ENPP7: variants seen among roughly 807,000 people sequenced by gnomAD.
ENPP7 encodes ectonucleotide pyrophosphatase/phosphodiesterase 7.
ENPP7 carries 39 observed loss-of-function variants against 33.6 expected under a neutral mutation model. That is an observed-to-expected ratio of 1.16 (90% confidence interval 0.90 to 1.52). The LOEUF is 1.52. Ranked by LOEUF, ENPP7 falls within the 40% of genes most tolerant of loss-of-function variation. The pLI is 0.00. For missense variants in ENPP7, 594 were observed against 641.0 expected, an observed-to-expected ratio of 0.93 and a Z score of 0.79; for synonymous variants, 244 against 274.3, an observed-to-expected ratio of 0.89 and a Z score of 1.09.
At chr17:79,733,485 C>G (rs782738635) in intron 1 of ENPP7, 23 bp from the exon 2 acceptor site, 1 of 1,610,600 alleles carries the variant, frequency 6.2e-7, no homozygotes, top group Admixed American at 1.7e-5. Flanking sequence ...TCCCGCCGCC[C>G]TCTGCACCTC....
At chr17:79,734,117 TG>T (rs1228409435) in intron 2 of ENPP7, among the ~76,000 whole-genome samples, 2 of 151,962 alleles carry the variant, frequency 1.3e-5, no homozygotes, top group Non-Finnish European at 2.9e-5. Flanking sequence ...AAATGAGAGG[TG>T]GGTTACAGTA....
Position 79,738,702 on chromosome 17 carries a change from C to G in ENPP7, c.*16+640C>G, listed in dbSNP as rs999199355. 7.6e-5 allele frequency: 11 copies of G among 145,500 alleles called. No individual in the cohort carries two copies. Among genetic ancestry groups the G allele is most frequent in the African/African-American group, 2.8e-4 (11 of 38,796 alleles). 9.0% of individuals were successfully genotyped at this position (145,500 alleles called of 1,614,324 possible). A position where few individuals can be genotyped will look rare whatever the true frequency, so the allele number is the denominator to read the frequency against. ...GCGTTCCTGGAACTCTCTGGAAGCCCACCTCCAAGGACACGCATGGGGTGC... is the reference window on the plus strand; with the variant it reads ...GCGTTCCTGGAACTCTCTGGAAGCCGACCTCCAAGGACACGCATGGGGTGC... On this transcript the variant is annotated intron_variant, in intron 5 of 5. Coordinates refer to ENST00000328313, the MANE Select transcript of ENPP7 (RefSeq NM_178543.5). This position sits in a 1 kb window ranked among gnomAD's most constrained non-coding sequence, Gnocchi z 6.2.
Position 79,735,598 on chromosome 17 carries a change from T to C in ENPP7, c.955T>C (p.Phe319Leu), listed in dbSNP as rs782505562. 8.5e-5 allele frequency: 137 copies of C among 1,613,732 alleles called. 1 individual carries two copies. Among genetic ancestry groups the C allele is most frequent in the Admixed American group, 2.8e-4 (17 of 60,000 alleles). ...VYKKEAFPEAFHYANNPRVTP... is the reference protein window; with the variant it reads ...VYKKEAFPEALHYANNPRVTP... Reference sequence around the variant, plus strand: ...CAAGAAGGAGGCGTTCCCCGAGGCCTTCCACTACGCCAACAACCCCAGGGT... The same window carrying C: ...CAAGAAGGAGGCGTTCCCCGAGGCCCTCCACTACGCCAACAACCCCAGGGT... Residue 319 changes from phenylalanine to leucine, a missense_variant, in exon 3 of 6, where the codon TTC becomes CTC. Phe to Leu is a conservative substitution (Grantham distance 22). Coordinates refer to ENST00000328313, the MANE Select transcript of ENPP7 (RefSeq NM_178543.5). This position sits in a 1 kb window ranked among gnomAD's most constrained non-coding sequence, Gnocchi z 5.5.
In ENPP7 at chr17:79,737,107, A is replaced by T. The variant is rs782128722; in HGVS notation, c.1093A>T (p.Ile365Phe). The stretch of plus-strand genomic sequence containing the variant: ...CAACAAGGACATGGACATGAAGACC[A>T]TCTTCCGCGCTGTGGGCCCTAGCTT... ...FDNKDMDMKT[I>F]FRAVGPSFRA... Residue 365 changes from isoleucine (I) to phenylalanine (F), a missense_variant, in exon 4 of 6, where the codon ATC becomes TTC. Ile to Phe is a conservative substitution (Grantham distance 21). Around this residue, in one of 3 missense-constraint regions of ENPP7, gnomAD observed 504 missense variants for 512.8 expected, o/e 0.98. Coordinates refer to ENST00000328313, the MANE Select transcript of ENPP7 (RefSeq NM_178543.5). This position sits in a 1 kb window ranked among gnomAD's most constrained non-coding sequence, Gnocchi z 5.5. 1.2e-6 allele frequency: 2 copies of T among 1,614,170 alleles called. No individual in the cohort carries two copies. The highest frequency in any genetic ancestry group is 1.7e-6 in the Non-Finnish European group (2 of 1,180,034).
At position 79,737,584 on chromosome 17, in the gene ENPP7, AC is replaced by A. The variant is rs1304310796; in HGVS notation, c.1246+326del. Among the ~76,000 whole-genome samples, 4 of 152,062 alleles carry A rather than the reference AC, an allele frequency of 2.6e-5. No homozygotes were observed. Among genetic ancestry groups the A allele is most frequent in the Admixed American group, 2.6e-4 (4 of 15,280 alleles). On this transcript the variant is annotated intron_variant, in intron 4 of 5. Transcript: ENST00000328313. This position sits in a 1 kb window ranked among gnomAD's most constrained non-coding sequence, Gnocchi z 5.5. ...GCTGGATCCCCACTCCCCACTCCCCACCACAGCAACCTGAGGGCCTCCTTTC... is the reference window on the plus strand; with the variant it reads ...GCTGGATCCCCACTCCCCACTCCCCACACAGCAACCTGAGGGCCTCCTTTC...
At chr17:79,734,391 GC>G (rs1316318264) in intron 2 of ENPP7, among the ~76,000 whole-genome samples, 1 of 152,140 alleles carries the variant, frequency 6.6e-6, no homozygotes, top group African/African-American at 2.4e-5. Flanking sequence ...GCATCACAAG[GC>G]TCTTGATCCA....
rs1568486419 is a variant in ENPP7, at chr17:79,735,161, G to A, written c.518G>A (p.Arg173Lys). The A allele has an allele frequency of 5.0e-6, 8 of 1,613,298 alleles. No individual in the cohort carries two copies. Among genetic ancestry groups the A allele is most frequent in the Non-Finnish European group, 6.8e-6 (8 of 1,180,032 alleles). The change falls in exon 3 of 6, where the codon AGA becomes AAA. Residue 173 changes from arginine (R) to lysine (K), a missense_variant. By Grantham distance (26) the Arg-to-Lys change is conservative. Coordinates refer to ENST00000328313, the MANE Select transcript of ENPP7 (RefSeq NM_178543.5). The surrounding 1 kb of genome is among the most constrained non-coding windows in gnomAD (Gnocchi z 5.5). Reference sequence around the variant, plus strand: ...AACTACAAAAATGAGACGGAGTGGAGAGCGAACATCGACACAGTGATGGCG... The same window carrying A: ...AACTACAAAAATGAGACGGAGTGGAAAGCGAACATCGACACAGTGATGGCG... ...AHNYKNETEWRANIDTVMAWF... is the reference protein window; with the variant it reads ...AHNYKNETEWKANIDTVMAWF...
In ENPP7 at chr17:79,741,847, T is replaced by C; in HGVS notation, c.*70T>C. 1 of 985,770 alleles carries C rather than the reference T, an allele frequency of 1.0e-6. No individual in the cohort carries two copies. Among genetic ancestry groups the C allele is most frequent in the Non-Finnish European group, 1.2e-6 (1 of 830,278 alleles). The allele number at this position is 985,770 out of a possible 1,614,324, so 61.1% of individuals were successfully genotyped here. A position where few individuals can be genotyped will look rare whatever the true frequency, so the allele number is the denominator to read the frequency against. On this transcript the variant is annotated 3_prime_UTR_variant, in exon 6 of 6. Transcript: ENST00000328313. ...TGGGCCGGCTGTCTCGCTGCGATGC[T>C]CTGCTGGTCGCGGACGGACCCTGCC... is the stretch of plus-strand genomic sequence containing the variant.
chr17:79,740,318 G>A (rs1414162298), intron 5 of ENPP7, among the ~76,000 whole-genome samples: 1 of 152,138 alleles, frequency 6.6e-6, no homozygotes, highest in Admixed American at 6.5e-5. Context: ...GGGACCAGAG[G>A]ACCCTTCAGC....
rs1285458527 is a variant in ENPP7 at position 79,735,876 on chromosome 17, C to A, written c.1026+207C>A. Among the ~76,000 whole-genome samples, 1 of 152,150 alleles carries A rather than the reference C, an allele frequency of 6.6e-6. No homozygotes were observed. The highest frequency in any genetic ancestry group is 2.4e-5 in the African/African-American group (1 of 41,430). On this transcript the variant is annotated intron_variant, in intron 3 of 5. Coordinates refer to ENST00000328313, the MANE Select transcript of ENPP7 (RefSeq NM_178543.5). The surrounding 1 kb of genome is among the most constrained non-coding windows in gnomAD (Gnocchi z 5.5). ...AGTAGCTGAGACCACAGGTGCACAC[C>A]ACCATGCCTGGCTAATTTTTGTGTG...
Position 79,742,053 on chromosome 17 carries a change from T to A in ENPP7, c.*276T>A. On this transcript the variant is annotated 3_prime_UTR_variant, in exon 6 of 6. Coordinates refer to ENST00000328313, the MANE Select transcript of ENPP7 (RefSeq NM_178543.5). ...TCCTGCTCCTCCCCTTCGGGCCCCC[T>A]CCTCCTGCAAAACCCGCTCCCGAAG... 1.8e-6 allele frequency: 1 copy of A among 564,070 alleles called. No homozygotes were observed. Among genetic ancestry groups the A allele is most frequent in the South Asian group, 7.6e-5 (1 of 13,228 alleles). The allele number at this position is 564,070 out of a possible 1,614,324, so 34.9% of individuals were successfully genotyped here. A position where few individuals can be genotyped will look rare whatever the true frequency, so the allele number is the denominator to read the frequency against.
intron 2 of ENPP7, among the ~76,000 whole-genome samples, chr17:79,733,987 G>A (rs1254101377): frequency 1.3e-5 from 2 of 152,212 alleles, no homozygotes; most frequent in Non-Finnish European, 2.9e-5. Context: ...CATTGGGGGT[G>A]AGGGTCGGAC....
chr17:79,733,622 G>A lies in ENPP7; in HGVS notation c.368G>A (p.Ser123Asn). The A allele has an allele frequency of 6.2e-7, 1 of 1,612,960 alleles. No homozygotes were observed. The highest frequency in any genetic ancestry group is 8.5e-7 in the Non-Finnish European group (1 of 1,179,972). The change falls in exon 2 of 6, where the codon AGC becomes AAC. Residue 123 changes from serine (S) to asparagine (N), a missense_variant. By Grantham distance (46) the Ser-to-Asn change is conservative. Around this residue, in one of 3 missense-constraint regions of ENPP7, gnomAD observed 504 missense variants for 512.8 expected, o/e 0.98. Transcript: ENST00000328313. Reference protein sequence around the residue: ...LGIQRWWDNGSVPIWITAQRQ... With the variant: ...LGIQRWWDNGNVPIWITAQRQ... ...ATCCAGAGGTGGTGGGACAACGGCA[G>A]CGTGCCCATCTGGATCACAGCCCAG...
At position 79,741,811 on chromosome 17, in the gene ENPP7, C is replaced by T; in HGVS notation, c.*34C>T. ...TCTTCCAGGAAGCCGCCGGGAGCTGCCCGCAGGCCCTGGGCCGGCTGTCTC... is the reference window on the plus strand; with the variant it reads ...TCTTCCAGGAAGCCGCCGGGAGCTGTCCGCAGGCCCTGGGCCGGCTGTCTC... On this transcript the variant is annotated 3_prime_UTR_variant, in exon 6 of 6. Transcript: ENST00000328313. 4 of 986,088 alleles carry T rather than the reference C, an allele frequency of 4.1e-6. No homozygotes were observed. Among genetic ancestry groups the T allele is most frequent in the Non-Finnish European group, 4.8e-6 (4 of 830,488 alleles). The allele number at this position is 986,088 out of a possible 1,614,324, so 61.1% of individuals were successfully genotyped here.
rs2094294781 is a variant in ENPP7 at position 79,735,853 on chromosome 17, T to G, written c.1026+184T>G. On this transcript the variant is annotated intron_variant, in intron 3 of 5. Transcript: ENST00000328313. This position sits in a 1 kb window ranked among gnomAD's most constrained non-coding sequence, Gnocchi z 5.5. Reference sequence around the variant, plus strand: ...GATCCTTCCACCTCAGCCTCCTGAGTAGCTGAGACCACAGGTGCACACCAC... The same window carrying G: ...GATCCTTCCACCTCAGCCTCCTGAGGAGCTGAGACCACAGGTGCACACCAC... Among the ~76,000 whole-genome samples the G allele has an allele frequency of 6.6e-6, 1 of 152,076 alleles. No individual in the cohort carries two copies. Among genetic ancestry groups the G allele is most frequent in the Non-Finnish European group, 1.5e-5 (1 of 68,002 alleles).
chr17:79,741,704 C>G (rs1470550141), intron 5 of ENPP7, 90 bp from the exon 6 acceptor site: 3 of 653,276 alleles, frequency 4.6e-6, no homozygotes, highest in South Asian at 1.4e-4. Flanking sequence ...CCAGTCCAGC[C>G]GCACCGCTGC....
rs1254389453 is a variant in ENPP7, at chr17:79,738,906, G to A, written c.*16+844G>A. On this transcript the variant is annotated intron_variant, in intron 5 of 5. Coordinates refer to ENST00000328313, the MANE Select transcript of ENPP7 (RefSeq NM_178543.5). The surrounding 1 kb of genome is among the most constrained non-coding windows in gnomAD (Gnocchi z 6.2). ...CATGCCACGCTCTGGTCTGGGCTCA[G>A]GATATGCAGCGAACAAGACAGTCCA... 6.6e-6 allele frequency: 1 copy of A among 152,268 alleles called. No homozygotes were observed. The highest frequency in any genetic ancestry group is 1.5e-5 in the Non-Finnish European group (1 of 68,092). The allele number at this position is 152,268 out of a possible 1,614,324, so 9.4% of individuals were successfully genotyped here.
At chr17:79,734,445 A>G (rs1453652404) in intron 2 of ENPP7, among the ~76,000 whole-genome samples, 1 of 151,758 alleles carries the variant, frequency 6.6e-6, no homozygotes, top group Non-Finnish European at 1.5e-5. Flanking sequence ...GGTGGGATGG[A>G]CAGTGATGAG....
rs559315855 is a variant in ENPP7, at chr17:79,731,471, T to C, written c.253+79T>C. ...TGGCACAGAGCCGTGTCGTGCAGGA[T>C]AAAGGGGAGAGGTCCTTGCTCCAGG... On this transcript the variant is annotated intron_variant, in intron 1 of 5. Transcript: ENST00000328313. 293 of 1,492,032 alleles carry C rather than the reference T, an allele frequency of 2.0e-4. 5 individuals carry two copies. In the South Asian group the frequency reaches 3.3e-3, roughly 17 times the overall value. 92.4% of individuals were successfully genotyped at this position (1,492,032 alleles called of 1,614,324 possible).
Sources: gnomAD v4.1 joint callset for allele counts (sites outside exome capture counted in the v4.1 genomes callset) on GRCh38, gnomAD v4.1.1 for gene constraint, gnomAD v4.1.1 regional missense constraint, Gnocchi (gnomAD v3.1) non-coding constraint, MANE v1.5 for transcripts, NCBI Gene and HGNC (gene_info 2026-07-23, HGNC 2026-07-21) for gene names.